The following DRC8 variants were observed in gnomAD, a reference collection of about 807,000 sequenced individuals.
DRC8 encodes the protein dynein regulatory complex protein 8.
the DRC8 span, among the ~76,000 whole-genome samples, chr1:245,059,229 C>T: frequency 6.6e-6 from 1 of 152,212 alleles, no homozygotes; most frequent in East Asian, 1.9e-4. Flanking sequence ...CACTTATCCT[C>T]CTTTTTCTTT....
At chr1:245,001,952 A>G in the DRC8 span, among the ~76,000 whole-genome samples, 3,582 of 152,296 alleles carry the variant, frequency 0.024, 160 homozygotes, top group African/African-American at 0.082. Flanking sequence ...CTTTGAGGTC[A>G]TCTTCCATCA....
chr1:245,098,325 G>T, the DRC8 span, among the ~76,000 whole-genome samples: 1 of 152,072 alleles, frequency 6.6e-6, no homozygotes, highest in Non-Finnish European at 1.5e-5. Context: ...GGGTTGGAGT[G>T]GTCAGTGCAC....
At chr1:244,976,000 G>A in the DRC8 span, among the ~76,000 whole-genome samples, 1 of 152,084 alleles carries the variant, frequency 6.6e-6, no homozygotes, top group South Asian at 2.1e-4. Flanking sequence ...CAGGCGTGGT[G>A]GCTCCTGCTT....
At chr1:244,995,704 T>G in the DRC8 span, among the ~76,000 whole-genome samples, 1 of 152,186 alleles carries the variant, frequency 6.6e-6, no homozygotes, top group African/African-American at 2.4e-5. Context: ...CCTTCAGTGC[T>G]TTTCCTGGAA....
At chr1:245,057,477 T>C in the DRC8 span, among the ~76,000 whole-genome samples, 1 of 152,198 alleles carries the variant, frequency 6.6e-6, no homozygotes, top group African/African-American at 2.4e-5. Flanking sequence ...TTCTTTTTCA[T>C]ACTAAGCTTT....
chr1:245,045,294 G>A, the DRC8 span, among the ~76,000 whole-genome samples: 2 of 152,246 alleles, frequency 1.3e-5, no homozygotes, highest in Non-Finnish European at 2.9e-5. Flanking sequence ...ACAGGTGTGA[G>A]CCACCTTGCC....
At chr1:244,970,398 G>C in the DRC8 span, 5 of 1,538,674 alleles carry the variant, frequency 3.2e-6, no homozygotes, top group South Asian at 5.9e-5. Context: ...GCATCTCCCA[G>C]GCGACCGGCT....
chr1:245,118,408 G>T, the DRC8 span, among the ~76,000 whole-genome samples: 27 of 152,280 alleles, frequency 1.8e-4, no homozygotes, highest in African/African-American at 6.3e-4. Context: ...AGCTTTCTTC[G>T]GAGAACTGGG....
chr1:245,006,279 A>C, the DRC8 span, among the ~76,000 whole-genome samples: 1 of 150,356 alleles, frequency 6.7e-6, no homozygotes, highest in African/African-American at 2.5e-5. Flanking sequence ...AAGTGACTAC[A>C]TTAATTTAGC....
chr1:245,015,732 A>C, the DRC8 span: 2 of 288,060 alleles, frequency 6.9e-6, no homozygotes, highest in African/African-American at 4.7e-5. Context: ...AAAAGAAAGA[A>C]AGAATATATC....
the DRC8 span, chr1:245,087,539 A>G: frequency 7.9e-7 from 1 of 1,259,662 alleles, no homozygotes; most frequent in African/African-American, 1.6e-5. Context: ...TAGTATGTCT[A>G]GCCTTACAGA....
At chr1:245,026,384 T>C in the DRC8 span, among the ~76,000 whole-genome samples, 2 of 152,224 alleles carry the variant, frequency 1.3e-5, no homozygotes, top group African/African-American at 4.8e-5. Context: ...AATATTACTT[T>C]TACTTCTTCA....
chr1:245,102,798 ACATCCAATCAGAT>A, the DRC8 span, among the ~76,000 whole-genome samples: 1 of 152,258 alleles, frequency 6.6e-6, no homozygotes, highest in African/African-American at 2.4e-5. Context: ...AAAGCTTCAC[ACATCCAATCAGAT>A]GTCTTCCTCA....
At chr1:245,053,080 G>T in the DRC8 span, among the ~76,000 whole-genome samples, 1 of 152,064 alleles carries the variant, frequency 6.6e-6, no homozygotes, top group Non-Finnish European at 1.5e-5. Context: ...AGTAGTTTTC[G>T]TGGCTTCTTT....
the DRC8 span, chr1:245,124,651 C>G: frequency 1.3e-5 from 2 of 152,134 alleles, no homozygotes; most frequent in Non-Finnish European, 2.9e-5. Context: ...GATGGGATCT[C>G]TGACATTAGA....
At chr1:245,034,860 GTTT>G in the DRC8 span, among the ~76,000 whole-genome samples, 5 of 136,290 alleles carry the variant, frequency 3.7e-5, no homozygotes, top group African/African-American at 2.7e-5. Context: ...ATAAATGAAA[GTTT>G]TTTTTTTTTT....
the DRC8 span, among the ~76,000 whole-genome samples, chr1:245,073,024 C>T: frequency 6.6e-6 from 1 of 152,204 alleles, no homozygotes; most frequent in South Asian, 2.1e-4. Context: ...ATAAATTACC[C>T]AGTCTCAAGT....
chr1:245,111,871 A>G, the DRC8 span, among the ~76,000 whole-genome samples: 1 of 152,162 alleles, frequency 6.6e-6, no homozygotes, highest in African/African-American at 2.4e-5. Context: ...CTCCGTGTCT[A>G]TACAAATAAA....
chr1:245,021,336 G>A, the DRC8 span, among the ~76,000 whole-genome samples: 1 of 152,056 alleles, frequency 6.6e-6, no homozygotes, highest in Non-Finnish European at 1.5e-5. Context: ...CCACTATTGT[G>A]AGTGGACATT....
Sources: allele counts gnomAD v4.1 joint callset (sites outside exome capture counted in the v4.1 genomes callset), GRCh38; gene constraint gnomAD v4.1.1; transcripts MANE v1.5; gene names NCBI Gene and HGNC (gene_info 2026-07-23, HGNC 2026-07-21).